MYH11: variants seen among roughly 807,000 people sequenced by gnomAD.
MYH11 encodes the protein myosin-11.
Under a neutral mutation model 246.6 loss-of-function variants are expected in MYH11, and 80 were observed. The ratio of observed to expected loss-of-function variants is 0.32; its 90% CI spans 0.27 to 0.39. The LOEUF (loss-of-function observed/expected upper bound fraction) is 0.39. Ranked by LOEUF, MYH11 falls within the 10% of genes least tolerant of loss-of-function variation. The pLI, the probability that MYH11 is intolerant of heterozygous loss-of-function variation, is 1.00. For missense variants in MYH11, 2,158 were observed against 2,546.8 expected, an observed-to-expected ratio of 0.85 and a Z score of 3.29; for synonymous variants, 1,071 against 1,015.5, an observed-to-expected ratio of 1.05 and a Z score of -1.04.
chr16:15,807,095 GGGACTA>G (rs759325180), intron 3 of MYH11, among the ~76,000 whole-genome samples: 5 of 152,100 alleles, frequency 3.3e-5, no homozygotes, highest in Non-Finnish European at 7.3e-5. Flanking sequence ...CTGAGCAGCT[GGGACTA>G]CAGGTGCATG....
intron 2 of MYH11, among the ~76,000 whole-genome samples, chr16:15,837,692 C>A (rs934140609): frequency 6.6e-6 from 1 of 152,000 alleles, no homozygotes; most frequent in African/African-American, 2.4e-5. Flanking sequence ...GCACCACCAC[C>A]CTTGGCTACT....
At chr16:15,817,368 T>G (rs1311041763) in intron 3 of MYH11, among the ~76,000 whole-genome samples, 2 of 152,094 alleles carry the variant, frequency 1.3e-5, no homozygotes, top group African/African-American at 2.4e-5. Context: ...GGTGTGTGCC[T>G]GTAGTCCCAG....
At chr16:15,751,886 C>T (rs11867025) in intron 15 of MYH11, among the ~76,000 whole-genome samples, 2,400 of 152,186 alleles carry the variant, frequency 0.016, 68 homozygotes, top group African/African-American at 0.055. Context: ...GCAACCTGCG[C>T]CTCCCAGGTT....
rs376997631 is a variant in MYH11 at position 15,798,747 on chromosome 16, T to A, written c.503-60A>T. 4.3e-4 allele frequency: 669 copies of A among 1,545,922 alleles called. 3 individuals carry two copies. The highest frequency in any genetic ancestry group is 1.8e-4 in the Non-Finnish European group (203 of 1,126,956). ...TAAAATGAGCTCTGAGCTAAGGGTCTGGACTTGGCTCCTCCCAGGGCCCTC... is the reference window on the plus strand; with the variant it reads ...TAAAATGAGCTCTGAGCTAAGGGTCAGGACTTGGCTCCTCCCAGGGCCCTC... On this transcript the variant is annotated intron_variant, in intron 3 of 40. Coordinates refer to ENST00000300036, the MANE Select transcript of MYH11 (RefSeq NM_002474.3).
At chr16:15,767,176 T>C (rs1329558746) in intron 9 of MYH11, among the ~76,000 whole-genome samples, 2 of 151,744 alleles carry the variant, frequency 1.3e-5, no homozygotes, top group Non-Finnish European at 2.9e-5. Context: ...GGATGGGTGA[T>C]GGAAGGATGA....
intron 5 of MYH11, chr16:15,785,778 G>A (rs62030568): frequency 0.051 from 7,779 of 152,686 alleles, 204 homozygotes; most frequent in Non-Finnish European, 0.06. Flanking sequence ...GGAAGAGAAG[G>A]ATGGGCCCTA....
intron 3 of MYH11, among the ~76,000 whole-genome samples, chr16:15,821,428 C>T (rs1370133720): frequency 6.6e-6 from 1 of 152,174 alleles, no homozygotes; most frequent in Non-Finnish European, 1.5e-5. Context: ...TTCTCTTTTA[C>T]TTAAATATAT....
intron 30 of MYH11, 68 bp from the exon 31 acceptor site, chr16:15,724,477 G>A (rs991127249): frequency 1.7e-5 from 27 of 1,609,586 alleles, no homozygotes; most frequent in Non-Finnish European, 2.3e-5. Context: ...TGGCCCCACA[G>A]ACTCTGAGAA....
chr16:15,820,471 T>A (rs1186276695), intron 3 of MYH11, among the ~76,000 whole-genome samples: 52 of 106,820 alleles, frequency 4.9e-4, no homozygotes, highest in Non-Finnish European at 2.4e-4. Context: ...GGAAACTCCA[T>A]CCGGAAAAAA....
intron 20 of MYH11, among the ~76,000 whole-genome samples, chr16:15,744,835 A>G (rs1179208993): frequency 1.3e-5 from 2 of 152,246 alleles, no homozygotes; most frequent in Non-Finnish European, 2.9e-5. Flanking sequence ...ACAGAACTGG[A>G]GAACAGAGTG....
chr16:15,728,354 C>T (rs1027209340), intron 27 of MYH11, among the ~76,000 whole-genome samples: 1 of 151,214 alleles, frequency 6.6e-6, no homozygotes, highest in Admixed American at 6.6e-5. Context: ...CTCAGTAATC[C>T]TAAACTTAAA....
In MYH11 at chr16:15,835,047, C is replaced by T. The variant is rs546110055; in HGVS notation, c.345+2861G>A. 2.7e-5 allele frequency among the ~76,000 whole-genome samples: 4 copies of T among 148,790 alleles called. No homozygotes were observed. The East Asian group carries it at 7.8e-4, about 29-fold the overall frequency. ...ACTGAGCTACGATAGAACCACTGCA[C>T]TCCAGCCTCAAAGACAGAGTAAGCC... On this transcript the variant is annotated intron_variant, in intron 2 of 40. Transcript: ENST00000300036.
intron 27 of MYH11, among the ~76,000 whole-genome samples, chr16:15,728,218 G>C (rs2018109): frequency 0.23 from 35,706 of 152,092 alleles, 4,751 homozygotes; most frequent in South Asian, 0.33. Flanking sequence ...AACAGAGTGA[G>C]ACTCCATCTC....
chr16:15,810,506 A>C (rs1247381956), intron 3 of MYH11, among the ~76,000 whole-genome samples: 1 of 152,172 alleles, frequency 6.6e-6, no homozygotes, highest in Non-Finnish European at 1.5e-5. Flanking sequence ...AGCCAGCCAG[A>C]CAGAGCCATT....
intron 7 of MYH11, among the ~76,000 whole-genome samples, chr16:15,777,686 G>C (rs2151297859): frequency 6.6e-6 from 1 of 152,230 alleles, no homozygotes; most frequent in Admixed American, 6.5e-5. Context: ...GATTAAAGTA[G>C]AAACGTAGAA....
At chr16:15,744,223 C>T (rs1347506764) in intron 20 of MYH11, among the ~76,000 whole-genome samples, 1 of 152,004 alleles carries the variant, frequency 6.6e-6, no homozygotes. Flanking sequence ...CGGAGTCTCG[C>T]TCTGTCACCA....
At chr16:15,715,771 C>G (rs930898333) in intron 38 of MYH11, among the ~76,000 whole-genome samples, 5 of 152,152 alleles carry the variant, frequency 3.3e-5, no homozygotes, top group African/African-American at 7.2e-5. Context: ...CTCAGCCTCC[C>G]AAGTAGCTGG....
chr16:15,821,603 A>C (rs2043412152), intron 3 of MYH11, among the ~76,000 whole-genome samples: 1 of 151,930 alleles, frequency 6.6e-6, no homozygotes, highest in Admixed American at 6.6e-5. Context: ...AAATGTGCTT[A>C]GTGGGACCTC....
chr16:15,834,354 C>T (rs1306398225), intron 2 of MYH11, among the ~76,000 whole-genome samples: 1 of 151,846 alleles, frequency 6.6e-6, no homozygotes, highest in Admixed American at 6.6e-5. Flanking sequence ...TGGTGAAACC[C>T]GTCTCTACTA....
Sources: gnomAD v4.1 joint callset for allele counts (sites outside exome capture counted in the v4.1 genomes callset) on GRCh38, gnomAD v4.1.1 for gene constraint, MANE v1.5 for transcripts, NCBI Gene and HGNC (gene_info 2026-07-23, HGNC 2026-07-21) for gene names.